RBFOX1: variants seen among roughly 807,000 people sequenced by gnomAD.
RBFOX1 encodes the protein RNA binding fox-1 homolog 1.
RBFOX1 carries 8 observed loss-of-function variants against 57.7 expected under a neutral mutation model. The ratio of observed to expected loss-of-function variants is 0.14; its 90% CI spans 0.08 to 0.25. RBFOX1 has a LOEUF of 0.25. Among genes scored for constraint, RBFOX1 ranks in the 10% least tolerant of loss-of-function variants. The pLI is 1.00. For synonymous variants in RBFOX1, 326 were observed against 222.4 expected (o/e 1.47, Z -4.15); for missense variants, 611 against 548.5 (o/e 1.11, Z -1.14).
chr16:6,985,506 C>T (rs545003629), intron 3 of RBFOX1, among the ~76,000 whole-genome samples: 1 of 152,174 alleles, frequency 6.6e-6, no homozygotes, highest in South Asian at 2.1e-4. Context: ...AACTAAAGAA[C>T]ACTATGTGTG....
chr16:5,458,655 C>A (rs2151588690), intron 1 of RBFOX1, among the ~76,000 whole-genome samples: 1 of 152,336 alleles, frequency 6.6e-6, no homozygotes, highest in Non-Finnish European at 1.5e-5. Flanking sequence ...GAAGTGCTTT[C>A]AGGTTGCCAT....
At chr16:6,563,852 G>A (rs952073685) in intron 2 of RBFOX1, among the ~76,000 whole-genome samples, 2 of 151,854 alleles carry the variant, frequency 1.3e-5, no homozygotes, top group African/African-American at 4.8e-5. Flanking sequence ...ATATATGTGT[G>A]TGTGTGTGTG....
intron 3 of RBFOX1, among the ~76,000 whole-genome samples, chr16:6,978,426 G>C (rs1355199952): frequency 6.6e-6 from 1 of 152,096 alleles, no homozygotes; most frequent in African/African-American, 2.4e-5. Flanking sequence ...ATGATATCTG[G>C]AAGAATAGTT....
chr16:6,693,682 C>A (rs2060589303), intron 3 of RBFOX1, among the ~76,000 whole-genome samples: 1 of 151,570 alleles, frequency 6.6e-6, no homozygotes, highest in Non-Finnish European at 1.5e-5. Context: ...GCTACCATCA[C>A]CACCATCATC....
At chr16:6,736,379 C>T (rs982304503) in intron 3 of RBFOX1, among the ~76,000 whole-genome samples, 2 of 152,142 alleles carry the variant, frequency 1.3e-5, no homozygotes, top group Admixed American at 6.5e-5. Context: ...CATAGCTTAG[C>T]TCCCACATAT....
rs140267881 is a variant in RBFOX1, at chr16:5,422,124, G to A, written c.220-45092G>A. ...CTAGCCCATGCGAATAAAAGTACTA[G>A]TAAGCAAAGATGTATGTTTTAGGAT... On this transcript the variant is annotated intron_variant, in intron 1 of 2. Coordinates refer to the RBFOX1 transcript ENST00000585867. 9.2e-5 allele frequency among the ~76,000 whole-genome samples: 14 copies of A among 152,188 alleles called. No individual in the cohort carries two copies. In the East Asian group the frequency reaches 2.5e-3, roughly 27 times the overall value.
At chr16:5,879,564 A>G (rs2057709682) in intron 4 of RBFOX1, among the ~76,000 whole-genome samples, 1 of 152,162 alleles carries the variant, frequency 6.6e-6, no homozygotes, top group Admixed American at 6.5e-5. Context: ...TCCTGACCTC[A>G]GGTGATCTGC....
chr16:7,124,542 T>TGTCC (rs1555494378), intron 4 of RBFOX1, among the ~76,000 whole-genome samples: 3 of 81,608 alleles, frequency 3.7e-5, no homozygotes, highest in South Asian at 6.2e-4. Context: ...TCCTTCCCTC[T>TGTCC]CTCCCTCCCT....
At chr16:7,009,437 G>T (rs1336949284) in intron 3 of RBFOX1, among the ~76,000 whole-genome samples, 1 of 151,786 alleles carries the variant, frequency 6.6e-6, no homozygotes, top group African/African-American at 2.4e-5. Context: ...AAGAAACCCT[G>T]CAGATCACTA....
chr16:6,960,321 G>A (rs933559832), intron 3 of RBFOX1, among the ~76,000 whole-genome samples: 3 of 152,230 alleles, frequency 2.0e-5, no homozygotes, highest in Non-Finnish European at 4.4e-5. Context: ...GTCTTTAGAC[G>A]AATGCACACT....
chr16:7,379,338 T>G (rs2097745865), intron 4 of RBFOX1, among the ~76,000 whole-genome samples: 1 of 152,202 alleles, frequency 6.6e-6, no homozygotes, highest in Non-Finnish European at 1.5e-5. Context: ...AATAACAGTA[T>G]TATCTGATGG....
At chr16:6,427,350 C>G (rs112659629) in intron 2 of RBFOX1, among the ~76,000 whole-genome samples, 377 of 152,160 alleles carry the variant, frequency 2.5e-3, no homozygotes, top group African/African-American at 8.7e-3. Context: ...AACTCCAGAC[C>G]CCAGTCTATA....
intron 2 of RBFOX1, among the ~76,000 whole-genome samples, chr16:5,577,768 C>A (rs558679227): frequency 3.9e-5 from 6 of 152,118 alleles, no homozygotes; most frequent in African/African-American, 1.4e-4. Context: ...ACTAAAAAGT[C>A]GTGTTCACAC....
chr16:7,571,742 G>T (rs764318616), intron 5 of RBFOX1, among the ~76,000 whole-genome samples: 17 of 152,092 alleles, frequency 1.1e-4, no homozygotes, highest in African/African-American at 3.4e-4. Context: ...CCACCTCTTG[G>T]GGTTAATGGA....
intron 2 of RBFOX1, among the ~76,000 whole-genome samples, chr16:6,560,049 C>T (rs769904917): frequency 6.6e-5 from 10 of 152,042 alleles, no homozygotes; most frequent in African/African-American, 2.4e-4. Flanking sequence ...TAAAATCATC[C>T]ACACTTTCCC....
intron 2 of RBFOX1, among the ~76,000 whole-genome samples, chr16:5,482,152 C>G (rs955387672): frequency 6.6e-6 from 1 of 152,224 alleles, no homozygotes; most frequent in East Asian, 1.9e-4. Flanking sequence ...TGTGAGAATG[C>G]TTTTTTCACT....
At chr16:7,425,835 C>G (rs765994102) in intron 4 of RBFOX1, among the ~76,000 whole-genome samples, 2 of 152,110 alleles carry the variant, frequency 1.3e-5, no homozygotes, top group Non-Finnish European at 2.9e-5. Flanking sequence ...TAAAATACTG[C>G]CTTGTTAATT....
Position 6,780,171 on chromosome 16 carries a change from T to A in RBFOX1, c.-16+125521T>A, listed in dbSNP as rs866049619. ...TATTTATATATATATTTATATATTT[T>A]TATATATTTATATATATATTTATAT... On this transcript the variant is annotated intron_variant, in intron 3 of 15. Transcript: ENST00000550418. 6.8e-3 allele frequency among the ~76,000 whole-genome samples: 118 copies of A among 17,298 alleles called. 7 individuals carry two copies. In the African/African-American group the frequency reaches 0.082, roughly 12 times the overall value. 11.3% of individuals were successfully genotyped at this position (17,298 alleles called of 152,430 possible).
rs1401868628 is a variant in RBFOX1, at chr16:6,122,740, C to T, written c.-127+102748C>T. 4.0e-5 allele frequency among the ~76,000 whole-genome samples: 6 copies of T among 151,798 alleles called. No homozygotes were observed. The East Asian group carries it at 9.7e-4, about 25-fold the overall frequency. On this transcript the variant is annotated intron_variant, in intron 1 of 15. Coordinates refer to ENST00000550418, the MANE Select transcript of RBFOX1 (RefSeq NM_018723.4). ...TTCAGTTAATGGGAAAAAAAAGCCACGGGACCTTTGTCATCCATTCTGCTG... is the reference window on the plus strand; with the variant it reads ...TTCAGTTAATGGGAAAAAAAAGCCATGGGACCTTTGTCATCCATTCTGCTG...
Sources: gnomAD v4.1 joint callset for allele counts (sites outside exome capture counted in the v4.1 genomes callset) on GRCh38, gnomAD v4.1.1 for gene constraint, MANE v1.5 for transcripts, NCBI Gene and HGNC (gene_info 2026-07-23, HGNC 2026-07-21) for gene names.